Variants in ADAM22 observed in about 807,000 individuals in gnomAD.
The protein encoded by ADAM22 is disintegrin and metalloproteinase domain-containing protein 22.
A neutral mutation model predicts 144.6 loss-of-function variants in ADAM22; 65 were observed. That is an observed-to-expected ratio of 0.45 (90% CI 0.37 to 0.55). The LOEUF is 0.55. ADAM22 is among the 20% of genes least tolerant of loss of function. ADAM22 has a pLI of 0.00. For synonymous variants in ADAM22, 391 were observed against 412.6 expected (o/e 0.95, Z 0.63); for missense variants, 974 against 1,184.9 (o/e 0.82, Z 2.61).
chr7:88,182,989 G>A (rs187756706), intron 29 of ADAM22, among the ~76,000 whole-genome samples: 45 of 152,202 alleles, frequency 3.0e-4, no homozygotes, highest in Admixed American at 1.7e-3. Flanking sequence ...ACTTATGTTA[G>A]CTTTTCCGTC....
intron 4 of ADAM22, 131 bp downstream of exon 4, chr7:88,075,823 G>C (rs2129480592): frequency 1.4e-6 from 1 of 738,416 alleles, no homozygotes. Context: ...ATAATTTGAA[G>C]TTTTATCACC....
intron 3 of ADAM22, among the ~76,000 whole-genome samples, chr7:87,996,261 G>T (rs560441343): frequency 6.6e-6 from 1 of 152,232 alleles, no homozygotes; most frequent in East Asian, 1.9e-4. Flanking sequence ...AGTTCAGGCT[G>T]CCATAACAAA....
chr7:87,960,070 G>A (rs1348815714), intron 2 of ADAM22, among the ~76,000 whole-genome samples: 2 of 152,124 alleles, frequency 1.3e-5, no homozygotes, highest in African/African-American at 4.8e-5. Context: ...GTAGCCTTCA[G>A]ATCAATGGAA....
rs59698275 is a variant in ADAM22, at chr7:87,938,207, A to ATTTT, written c.246+3045_246+3048dup. On this transcript the variant is annotated intron_variant, in intron 2 of 31. Coordinates refer to ENST00000413139, the MANE Select transcript of ADAM22 (RefSeq NM_001324418.2). ...GCATTTTAATTTTAGATACCCATAG[A>ATTTT]TTTTTTTTTTTTTTTTTTTTTTTTT... Among the ~76,000 whole-genome samples the ATTTT allele has an allele frequency of 1.8e-3, 136 of 75,576 alleles. 14 individuals are homozygous for ATTTT. The highest frequency in any genetic ancestry group is 6.0e-3 in the African/African-American group (104 of 17,318). 49.6% of individuals were successfully genotyped at this position (75,576 alleles called of 152,430 possible).
chr7:88,099,479 T>C (rs1231878436), intron 4 of ADAM22, among the ~76,000 whole-genome samples: 1 of 152,154 alleles, frequency 6.6e-6, no homozygotes, highest in East Asian at 1.9e-4. Flanking sequence ...TAGTGGGAAG[T>C]AAACATGCCT....
chr7:87,980,994 G>A (rs1488110487), intron 3 of ADAM22, among the ~76,000 whole-genome samples: 3 of 152,188 alleles, frequency 2.0e-5, no homozygotes, highest in Non-Finnish European at 4.4e-5. Context: ...TCGGAAAGAA[G>A]AAAGCTCAAT....
In ADAM22 at chr7:87,935,086, G is replaced by A; in HGVS notation, c.146G>A (p.Ser49Asn). ...RKENRFVERQ[S>N]IVPLRLIYRS... is the part of the protein sequence containing the mutation. Reference sequence around the variant, plus strand: ...GAAAACCGCTTCGTGGAGCGCCAGAGCATCGTGCCACTGCGCCTCATCTAC... The same window carrying A: ...GAAAACCGCTTCGTGGAGCGCCAGAACATCGTGCCACTGCGCCTCATCTAC... Residue 49 changes from serine to asparagine, a missense_variant, in exon 2 of 32, where the codon AGC becomes AAC. This residue lies in a region of ADAM22 where 240 missense variants were observed against 234.3 expected (regional missense o/e 1.02). Coordinates refer to ENST00000413139, the MANE Select transcript of ADAM22 (RefSeq NM_001324418.2). 1.2e-6 allele frequency: 2 copies of A among 1,614,144 alleles called. No individual in the cohort carries two copies. Among genetic ancestry groups the A allele is most frequent in the Non-Finnish European group, 1.7e-6 (2 of 1,180,028 alleles).
chr7:88,088,631 A>G (rs1819042533), intron 4 of ADAM22, among the ~76,000 whole-genome samples: 1 of 152,152 alleles, frequency 6.6e-6, no homozygotes, highest in Admixed American at 6.6e-5. Flanking sequence ...GTGAACTTGA[A>G]CAGCAGTGAT....
chr7:88,176,074 G>A (rs1466638059), intron 26 of ADAM22, among the ~76,000 whole-genome samples: 2 of 152,090 alleles, frequency 1.3e-5, no homozygotes, highest in Non-Finnish European at 2.9e-5. Flanking sequence ...CCAGGTTCAA[G>A]CGATTCTCCT....
At chr7:88,072,388 T>TTTA (rs372035225) in intron 3 of ADAM22, among the ~76,000 whole-genome samples, 3 of 151,974 alleles carry the variant, frequency 2.0e-5, no homozygotes, top group South Asian at 2.1e-4. Flanking sequence ...GTTTTTAGAT[T>TTTA]TTATTATTAT....
chr7:87,974,332 A>C (rs1241731869), intron 2 of ADAM22, among the ~76,000 whole-genome samples: 1 of 151,690 alleles, frequency 6.6e-6, no homozygotes, highest in Non-Finnish European at 1.5e-5. Context: ...AAAAAATAAA[A>C]GAAAAGAAGC....
chr7:88,196,368 A>G, intron 31 of ADAM22, 103 bp from the exon 32 acceptor site: 1 of 1,346,000 alleles, frequency 7.4e-7, no homozygotes, highest in Admixed American at 1.7e-5. Flanking sequence ...ATCCACAATC[A>G]CATATATATG....
At chr7:88,012,596 CCTT>C (rs1280111925) in intron 3 of ADAM22, among the ~76,000 whole-genome samples, 1 of 152,108 alleles carries the variant, frequency 6.6e-6, no homozygotes, top group Admixed American at 6.6e-5. Context: ...AAACCTAAGA[CCTT>C]CTTCTTAGAG....
chr7:87,962,618 G>T (rs1848235852), intron 2 of ADAM22, among the ~76,000 whole-genome samples: 1 of 151,936 alleles, frequency 6.6e-6, no homozygotes, highest in African/African-American at 2.4e-5. Flanking sequence ...ACATTCTGTG[G>T]ACTTTTTTTT....
intron 3 of ADAM22, among the ~76,000 whole-genome samples, chr7:88,027,894 G>A (rs1197394036): frequency 6.6e-6 from 1 of 151,594 alleles, no homozygotes; most frequent in East Asian, 1.9e-4. Flanking sequence ...AGGTTCAAGT[G>A]ATTCTCCTGC....
intron 2 of ADAM22, among the ~76,000 whole-genome samples, chr7:87,953,816 C>T (rs1369494610): frequency 4.6e-5 from 7 of 152,132 alleles, no homozygotes; most frequent in African/African-American, 1.7e-4. Flanking sequence ...CTTTATGAAT[C>T]TGGGTGCTCC....
chr7:88,021,851 A>T (rs1797887760), intron 3 of ADAM22, among the ~76,000 whole-genome samples: 1 of 151,492 alleles, frequency 6.6e-6, no homozygotes, highest in Admixed American at 6.6e-5. Flanking sequence ...TTCATTTGGA[A>T]TTTCTTCCTT....
chr7:88,101,990 A>G (rs955159477), intron 4 of ADAM22, among the ~76,000 whole-genome samples: 2 of 152,198 alleles, frequency 1.3e-5, no homozygotes, highest in African/African-American at 4.8e-5. Flanking sequence ...CCACTGGTGT[A>G]AATAACCTTG....
At chr7:88,049,534 G>A (rs1000133776) in intron 3 of ADAM22, among the ~76,000 whole-genome samples, 1 of 152,128 alleles carries the variant, frequency 6.6e-6, no homozygotes, top group Non-Finnish European at 1.5e-5. Context: ...GAGTAGCTGG[G>A]ATTACAGGCA....
Sources: allele counts gnomAD v4.1 joint callset (sites outside exome capture counted in the v4.1 genomes callset), GRCh38; gene constraint gnomAD v4.1.1; regional missense constraint gnomAD v4.1.1; transcripts MANE v1.5; gene names NCBI Gene and HGNC (gene_info 2026-07-23, HGNC 2026-07-21).